The following TAFA2 variants were observed in gnomAD, a reference collection of about 807,000 sequenced individuals.
The protein encoded by TAFA2 is TAFA chemokine like family member 2, also known as chemokine-like protein TAFA-2.
Under a neutral mutation model 18.8 loss-of-function variants are expected in TAFA2, and 7 were observed. The ratio of observed to expected loss-of-function variants is 0.37; its 90% CI spans 0.21 to 0.70. The LOEUF is 0.70. TAFA2 is among the 30% of genes least tolerant of loss of function. TAFA2 has a pLI of 0.53. For missense variants in TAFA2, 122 were observed against 158.1 expected (o/e 0.77, Z 1.23); for synonymous variants, 60 against 54.2 (o/e 1.11, Z -0.47).
At chr12:61,898,029 C>A (rs1436982280) in intron 1 of TAFA2, among the ~76,000 whole-genome samples, 1 of 152,180 alleles carries the variant, frequency 6.6e-6, no homozygotes. Context: ...GGCTATAGGC[C>A]CCAAGCAAGT....
At chr12:61,965,978 T>C (rs533337712) in intron 1 of TAFA2, among the ~76,000 whole-genome samples, 2 of 152,060 alleles carry the variant, frequency 1.3e-5, no homozygotes, top group African/African-American at 4.8e-5. Flanking sequence ...GATGGACATT[T>C]GAGTTGTTTC....
intron 1 of TAFA2, among the ~76,000 whole-genome samples, chr12:62,075,539 T>C (rs1425543399): frequency 6.6e-6 from 1 of 152,190 alleles, no homozygotes; most frequent in African/African-American, 2.4e-5. Flanking sequence ...ATCAGACCTG[T>C]TCCTAGACAA....
chr12:61,953,136 T>A (rs1427845793), intron 1 of TAFA2, among the ~76,000 whole-genome samples: 1 of 152,058 alleles, frequency 6.6e-6, no homozygotes, highest in Admixed American at 6.6e-5. Context: ...AGAGAAGCAA[T>A]AATAGTCATT....
At chr12:61,813,056 C>G (rs1487784014) in intron 2 of TAFA2, among the ~76,000 whole-genome samples, 1 of 151,524 alleles carries the variant, frequency 6.6e-6, no homozygotes, top group Non-Finnish European at 1.5e-5. Context: ...TGTTTAAACT[C>G]TATCATCATC....
At position 61,917,500 on chromosome 12, in the gene TAFA2, T is replaced by G. The variant is rs1876875084; in HGVS notation, c.-1-50074A>C. Reference sequence around the variant, plus strand: ...ACATTCCATTGATTAGTTACACATTTCTTTCGTTTATTTGATTGAACTCTG... The same window carrying G: ...ACATTCCATTGATTAGTTACACATTGCTTTCGTTTATTTGATTGAACTCTG... On this transcript the variant is annotated intron_variant, in intron 1 of 4. Coordinates refer to ENST00000416284, the MANE Select transcript of TAFA2 (RefSeq NM_178539.5). Among the ~76,000 whole-genome samples the G allele has an allele frequency of 2.6e-5, 4 of 152,196 alleles. No homozygotes were observed. In the South Asian group the frequency reaches 8.3e-4, roughly 32 times the overall value.
At chr12:61,727,061 A>C (rs113591699) in intron 4 of TAFA2, among the ~76,000 whole-genome samples, 11,576 of 151,974 alleles carry the variant, frequency 0.076, 1,417 homozygotes, top group African/African-American at 0.26. Flanking sequence ...GCCATCCCTG[A>C]ATCCCTGGTA....
intron 1 of TAFA2, among the ~76,000 whole-genome samples, chr12:62,179,408 T>A (rs899886139): frequency 6.6e-6 from 1 of 152,168 alleles, no homozygotes; most frequent in African/African-American, 2.4e-5. Flanking sequence ...AACCATTAAA[T>A]CCAACCCTCT....
chr12:62,207,315 G>A (rs1469158986), intron 1 of TAFA2: 1 of 152,106 alleles, frequency 6.6e-6, no homozygotes, highest in Non-Finnish European at 1.5e-5. Flanking sequence ...AAAATATATG[G>A]CCACATTTAT....
At chr12:61,756,380 C>T (rs1869269029) in intron 2 of TAFA2, among the ~76,000 whole-genome samples, 1 of 152,036 alleles carries the variant, frequency 6.6e-6, no homozygotes, top group African/African-American at 2.4e-5. Flanking sequence ...GACTTCTGTC[C>T]CTATCTTCTC....
intron 1 of TAFA2, chr12:61,877,946 T>C (rs978019955): frequency 2.2e-4 from 70 of 315,080 alleles, no homozygotes; most frequent in South Asian, 1.1e-3. Flanking sequence ...CACACATACA[T>C]ATACATATAT....
At chr12:61,740,020 A>T (rs1171299287) in intron 4 of TAFA2, among the ~76,000 whole-genome samples, 1 of 152,120 alleles carries the variant, frequency 6.6e-6, no homozygotes, top group Non-Finnish European at 1.5e-5. Context: ...TTAAAGTTGC[A>T]AAGCAAAGAT....
At chr12:61,787,532 T>C (rs1375399687) in intron 2 of TAFA2, among the ~76,000 whole-genome samples, 1 of 151,536 alleles carries the variant, frequency 6.6e-6, no homozygotes, top group East Asian at 1.9e-4. Flanking sequence ...AAAATATATA[T>C]AGATGTAAAT....
At chr12:61,743,836 G>A (rs936286567) in intron 4 of TAFA2, among the ~76,000 whole-genome samples, 3 of 152,092 alleles carry the variant, frequency 2.0e-5, no homozygotes, top group African/African-American at 7.2e-5. Flanking sequence ...ACACAGGAGG[G>A]AAAGAGCCAT....
chr12:62,257,908 G>C (rs749295075), intron 1 of TAFA2, among the ~76,000 whole-genome samples: 14 of 152,144 alleles, frequency 9.2e-5, no homozygotes, highest in Non-Finnish European at 1.9e-4. Context: ...TCATAATTGA[G>C]AGAAGCACCA....
intron 2 of TAFA2, among the ~76,000 whole-genome samples, chr12:61,809,585 C>T (rs1047000766): frequency 6.6e-6 from 1 of 150,892 alleles, no homozygotes; most frequent in African/African-American, 2.5e-5. Flanking sequence ...TTAACTAATC[C>T]ATGATTCCAA....
intron 1 of TAFA2, among the ~76,000 whole-genome samples, chr12:62,120,317 T>C (rs113436580): frequency 3.9e-5 from 6 of 152,204 alleles, no homozygotes; most frequent in African/African-American, 1.2e-4. Flanking sequence ...GGATATGGCA[T>C]TGTACATTTC....
rs113356024 is a variant in TAFA2, at chr12:62,118,427, G to T, written c.-2+72832C>A. 7.9e-3 allele frequency among the ~76,000 whole-genome samples: 1,204 copies of T among 152,146 alleles called. 18 individuals are homozygous for T. The highest frequency in any genetic ancestry group is 0.027 in the African/African-American group (1,140 of 41,522). ...AGGCTATTCCATTCCAAGTGGCAATGATGTTAACATCTTTACACATATTTT... is the reference window on the plus strand; with the variant it reads ...AGGCTATTCCATTCCAAGTGGCAATTATGTTAACATCTTTACACATATTTT... On this transcript the variant is annotated intron_variant, in intron 1 of 4. Transcript: ENST00000416284.
intron 2 of TAFA2, among the ~76,000 whole-genome samples, chr12:61,851,805 A>C (rs1296023113): frequency 6.9e-6 from 1 of 144,808 alleles, no homozygotes; most frequent in African/African-American, 2.6e-5. Context: ...AAAAAAAAAA[A>C]AAAAAAAAAA....
At chr12:62,003,972 T>C (rs937239096) in intron 1 of TAFA2, among the ~76,000 whole-genome samples, 3 of 152,160 alleles carry the variant, frequency 2.0e-5, no homozygotes, top group African/African-American at 7.2e-5. Context: ...CGTCTAAAAG[T>C]TAATCTCTAC....
Sources: gnomAD v4.1 joint callset for allele counts (sites outside exome capture counted in the v4.1 genomes callset) on GRCh38, gnomAD v4.1.1 for gene constraint, MANE v1.5 for transcripts, NCBI Gene and HGNC (gene_info 2026-07-23, HGNC 2026-07-21) for gene names.